Variants in ANO3 observed in about 807,000 individuals in gnomAD.
ANO3 encodes anoctamin 3, also known as anoctamin-3.
A neutral mutation model predicts 144.8 loss-of-function variants in ANO3; 99 were observed. The ratio of observed to expected loss-of-function variants is 0.68; its 90% CI spans 0.58 to 0.81. ANO3 has a LOEUF of 0.81. Ranked by LOEUF, ANO3 falls within the 30% of genes least tolerant of loss-of-function variation. The pLI, the probability that ANO3 is intolerant of heterozygous loss-of-function variation, is 0.00. For missense variants in ANO3, 905 were observed against 1,202.2 expected (o/e 0.75, Z 3.66); for synonymous variants, 414 against 392.6 (o/e 1.05, Z -0.64).
chr11:26,359,754 C>T (rs1436349485), intron 1 of ANO3, among the ~76,000 whole-genome samples: 1 of 152,132 alleles, frequency 6.6e-6, no homozygotes, highest in Non-Finnish European at 1.5e-5. Context: ...TGTTACCCAT[C>T]TCTCACAGAT....
At chr11:26,457,078 G>T (rs1367665943) in intron 3 of ANO3, among the ~76,000 whole-genome samples, 1 of 122,464 alleles carries the variant, frequency 8.2e-6, no homozygotes, top group Non-Finnish European at 1.7e-5. Flanking sequence ...ACTGTTGTGG[G>T]GTGGGGGGAG....
intron 1 of ANO3, among the ~76,000 whole-genome samples, chr11:26,367,318 A>C (rs1856120874): frequency 6.6e-6 from 1 of 152,170 alleles, no homozygotes; most frequent in South Asian, 2.1e-4. Context: ...ACAGATCCCT[A>C]GGACATGAAC....
At chr11:26,641,852 C>T in intron 21 of ANO3, 44 bp from the exon 22 acceptor site, 1 of 1,582,268 alleles carries the variant, frequency 6.3e-7, no homozygotes, top group Non-Finnish European at 8.6e-7. Context: ...TAACCAGATG[C>T]TTGAATCAGA....
intron 1 of ANO3, among the ~76,000 whole-genome samples, chr11:26,231,124 G>T (rs910496369): frequency 2.0e-5 from 3 of 151,956 alleles, no homozygotes; most frequent in Admixed American, 6.6e-5. Flanking sequence ...TGATCCACCC[G>T]CCTTGGCCTC....
chr11:26,300,456 G>A (rs1369620018), intron 1 of ANO3, among the ~76,000 whole-genome samples: 1 of 152,198 alleles, frequency 6.6e-6, no homozygotes, highest in Non-Finnish European at 1.5e-5. Flanking sequence ...AAAGGAGGCT[G>A]AAAAGGAGAG....
chr11:26,231,122 C>T (rs1340478651), intron 1 of ANO3, among the ~76,000 whole-genome samples: 2 of 152,022 alleles, frequency 1.3e-5, no homozygotes, highest in Admixed American at 6.6e-5. Flanking sequence ...CATGATCCAC[C>T]CGCCTTGGCC....
intron 3 of ANO3, among the ~76,000 whole-genome samples, chr11:26,460,698 A>T (rs1859362791): frequency 1.1e-5 from 1 of 89,496 alleles, no homozygotes; most frequent in South Asian, 3.3e-4. Flanking sequence ...TATAGGAATT[A>T]AAGAAAAAAG....
chr11:26,637,155 CA>C, intron 20 of ANO3, among the ~76,000 whole-genome samples: 1 of 152,276 alleles, frequency 6.6e-6, no homozygotes. Flanking sequence ...GACAAACCCA[CA>C]AAAACTATTG....
chr11:26,577,256 T>C (rs571729856), intron 14 of ANO3, among the ~76,000 whole-genome samples: 1 of 152,134 alleles, frequency 6.6e-6, no homozygotes, highest in African/African-American at 2.4e-5. Flanking sequence ...AGGTATCAGA[T>C]TTTTTTTAAA....
chr11:26,202,871 A>G (rs1238976047), intron 1 of ANO3, among the ~76,000 whole-genome samples: 1 of 152,108 alleles, frequency 6.6e-6, no homozygotes, highest in Non-Finnish European at 1.5e-5. Flanking sequence ...AACACACTCT[A>G]CATTCTTCAA....
chr11:26,642,338 CTTTCTTTTTTTT>C (rs1853185728), intron 22 of ANO3, among the ~76,000 whole-genome samples: 1 of 119,230 alleles, frequency 8.4e-6, no homozygotes, highest in Admixed American at 9.3e-5. Flanking sequence ...TTCTTTCTTT[CTTTCTTTTTTTT>C]TTTTTTTTTT....
intron 14 of ANO3, among the ~76,000 whole-genome samples, chr11:26,588,124 T>C (rs1353219742): frequency 1.3e-5 from 2 of 152,074 alleles, no homozygotes; most frequent in Non-Finnish European, 2.9e-5. Context: ...TTCTGAAAAA[T>C]AAATGAACTT....
chr11:26,450,386 G>C (rs942186415), intron 3 of ANO3, among the ~76,000 whole-genome samples: 2 of 152,166 alleles, frequency 1.3e-5, no homozygotes, highest in Admixed American at 6.5e-5. Context: ...CTACTGGCTA[G>C]TGGTAGTACT....
At chr11:26,327,623 G>C (rs184483571), upstream of ANO3, among the ~76,000 whole-genome samples, 14 of 152,234 alleles carry the variant, frequency 9.2e-5, no homozygotes, top group East Asian at 2.7e-3. Flanking sequence ...AAAATATGGA[G>C]CCCCTTGAAT....
chr11:26,560,814 A>G (rs1850258048), intron 14 of ANO3: 2 of 345,258 alleles, frequency 5.8e-6, no homozygotes, highest in Non-Finnish European at 5.2e-6. Flanking sequence ...AATATTTTCT[A>G]CTAAGAAAAT....
At chr11:26,243,929 T>C (rs886524087) in intron 1 of ANO3, among the ~76,000 whole-genome samples, 4 of 151,678 alleles carry the variant, frequency 2.6e-5, no homozygotes, top group African/African-American at 9.7e-5. Flanking sequence ...ACCAGCCTGG[T>C]CAGAATGGTG....
intron 4 of ANO3, among the ~76,000 whole-genome samples, chr11:26,466,693 G>T (rs936040677): frequency 6.6e-6 from 1 of 151,888 alleles, no homozygotes; most frequent in African/African-American, 2.4e-5. Context: ...ATGAAAAATC[G>T]CAACTGAGAC....
intron 1 of ANO3, among the ~76,000 whole-genome samples, chr11:26,191,542 T>C (rs1201919059): frequency 6.6e-6 from 1 of 152,112 alleles, no homozygotes; most frequent in Non-Finnish European, 1.5e-5. Context: ...CTCTCACCCA[T>C]TTCCATCTTT....
chr11:26,378,797 T>C (rs1288195110), intron 1 of ANO3, among the ~76,000 whole-genome samples: 2 of 152,092 alleles, frequency 1.3e-5, no homozygotes, highest in African/African-American at 4.8e-5. Flanking sequence ...AGACAAATGC[T>C]CTGGTCCAAG....
Sources: gnomAD v4.1 joint callset for allele counts (sites outside exome capture counted in the v4.1 genomes callset) on GRCh38, gnomAD v4.1.1 for gene constraint, MANE v1.5 for transcripts, NCBI Gene and HGNC (gene_info 2026-07-23, HGNC 2026-07-21) for gene names.